The following FXR1 variants were observed in gnomAD, a reference collection of about 807,000 sequenced individuals.
FXR1 encodes the protein RNA-binding protein FXR1.
FXR1 carries 15 observed loss-of-function variants against 84.0 expected under a neutral mutation model. That is an observed-to-expected ratio of 0.18 (90% confidence interval 0.12 to 0.27). The LOEUF is 0.27. Among genes scored for constraint, FXR1 ranks in the 10% least tolerant of loss-of-function variants. FXR1 has a pLI of 1.00. For synonymous variants in FXR1, 245 were observed against 250.7 expected, an observed-to-expected ratio of 0.98 and a Z score of 0.21; for missense variants, 480 against 774.4, an observed-to-expected ratio of 0.62 and a Z score of 4.51.
In FXR1 at chr3:180,977,262, CT is replaced by C. The variant is rs1284218335; in HGVS notation, c.*972del. 6.6e-6 allele frequency: 1 copy of C among 152,390 alleles called. No homozygotes were observed. The highest frequency in any genetic ancestry group is 2.4e-5 in the African/African-American group (1 of 41,396). The allele number at this position is 152,390 out of a possible 1,614,324, so 9.4% of individuals were successfully genotyped here. ...CTTTGCTTTTTAAAAAGCATTTATACTTGCTCATAAATAGCATTAAAATGTC... is the reference window on the plus strand; with the variant it reads ...CTTTGCTTTTTAAAAAGCATTTATACTGCTCATAAATAGCATTAAAATGTC... On this transcript the variant is annotated 3_prime_UTR_variant, in exon 17 of 17. Coordinates refer to ENST00000357559, the MANE Select transcript of FXR1 (RefSeq NM_005087.4).
chr3:180,968,409 A>G, intron 14 of FXR1, 155 bp downstream of exon 14: 1 of 604,008 alleles, frequency 1.7e-6, no homozygotes. Flanking sequence ...TATCAGGAAA[A>G]GCCCTCGTAG....
At chr3:180,918,646 G>T (rs1025969498) in intron 1 of FXR1, among the ~76,000 whole-genome samples, 29 of 152,290 alleles carry the variant, frequency 1.9e-4, no homozygotes, top group African/African-American at 7.0e-4. Flanking sequence ...TTTTTAACTG[G>T]CAGGATCATC....
chr3:180,963,101 A>T lies in FXR1; in HGVS notation c.1198+11A>T, dbSNP rs1293558037. ...ACACCTCCGGTTATGGTAAAAAAAA[A>T]TTTTTTTTTTTTTTTTTTGGTAATA... On this transcript the variant is annotated intron_variant, in intron 13 of 16. Transcript: ENST00000357559. The T allele has an allele frequency of 6.0e-4, 518 of 864,714 alleles. No homozygotes were observed. Among genetic ancestry groups the T allele is most frequent in the Non-Finnish European group, 6.9e-4 (384 of 554,706 alleles). 53.6% of individuals were successfully genotyped at this position (864,714 alleles called of 1,614,324 possible).
intron 13 of FXR1, 94 bp from the exon 14 acceptor site, chr3:180,967,957 C>T (rs1201007477): frequency 5.0e-6 from 4 of 798,182 alleles, no homozygotes; most frequent in African/African-American, 1.7e-5. Flanking sequence ...AACAGTATTG[C>T]TTATTTAAAC....
intron 1 of FXR1, among the ~76,000 whole-genome samples, chr3:180,927,305 G>A (rs142396666): frequency 0.014 from 2,163 of 152,104 alleles, 26 homozygotes; most frequent in Non-Finnish European, 0.019. Context: ...GGCTATATAA[G>A]ATGTGTATTG....
intron 10 of FXR1, 49 bp downstream of exon 10, chr3:180,957,977 C>A: frequency 2.5e-6 from 2 of 806,088 alleles, no homozygotes; most frequent in Non-Finnish European, 4.1e-6. Context: ...CTTTTTTTGG[C>A]CAACTTAATA....
intron 16 of FXR1, among the ~76,000 whole-genome samples, chr3:180,975,661 A>G (rs576722709): frequency 7.2e-5 from 11 of 152,318 alleles, no homozygotes; most frequent in East Asian, 1.9e-4. Flanking sequence ...CATAGAGACT[A>G]TTGCCTAATT....
At chr3:180,959,611 T>C (rs1161732157) in intron 10 of FXR1, among the ~76,000 whole-genome samples, 1 of 152,092 alleles carries the variant, frequency 6.6e-6, no homozygotes, top group Non-Finnish European at 1.5e-5. Flanking sequence ...AAACAGGCTA[T>C]GTGCTTAAGA....
intron 10 of FXR1, among the ~76,000 whole-genome samples, chr3:180,961,211 G>T (rs951848411): frequency 1.3e-5 from 2 of 151,874 alleles, no homozygotes; most frequent in East Asian, 3.9e-4. Flanking sequence ...GTGGTGACAC[G>T]CATCTATAGT....
At position 180,963,875 on chromosome 3, in the gene FXR1, G is replaced by T. The variant is rs959702532; in HGVS notation, c.1198+785G>T. The stretch of plus-strand genomic sequence containing the variant: ...GTGACCTGATTTGTTTTTTTCCTTC[G>T]CCCCTTCTCTTTATTTTCTCTTTTC... On this transcript the variant is annotated intron_variant, in intron 13 of 16. Transcript: ENST00000357559. Among the ~76,000 whole-genome samples the T allele has an allele frequency of 4.1e-5, 6 of 146,104 alleles. No homozygotes were observed. In the Admixed American group the frequency reaches 4.1e-4, roughly 10 times the overall value.
chr3:180,928,190 A>C (rs1042717823), intron 1 of FXR1, among the ~76,000 whole-genome samples: 1 of 151,882 alleles, frequency 6.6e-6, no homozygotes, highest in African/African-American at 2.4e-5. Flanking sequence ...AAATGTTCCA[A>C]TACCATTTTA....
At position 180,976,462 on chromosome 3, in the gene FXR1, C is replaced by G. The variant is rs1714255047; in HGVS notation, c.*170C>G. On this transcript the variant is annotated 3_prime_UTR_variant, in exon 17 of 17. Coordinates refer to ENST00000357559, the MANE Select transcript of FXR1 (RefSeq NM_005087.4). ...CTGAAGAAATCATATGTTAAACATACTTTGACACCTACTGTGTTATAAAAT... is the reference window on the plus strand; with the variant it reads ...CTGAAGAAATCATATGTTAAACATAGTTTGACACCTACTGTGTTATAAAAT... 2.0e-6 allele frequency: 1 copy of G among 494,928 alleles called. No homozygotes were observed. Among genetic ancestry groups the G allele is most frequent in the Admixed American group, 3.9e-5 (1 of 25,962 alleles). 30.7% of individuals were successfully genotyped at this position (494,928 alleles called of 1,614,324 possible). A position where few individuals can be genotyped will look rare whatever the true frequency, so the allele number is the denominator to read the frequency against.
At chr3:180,950,965 C>A (rs897020716) in intron 7 of FXR1, among the ~76,000 whole-genome samples, 1 of 152,052 alleles carries the variant, frequency 6.6e-6, no homozygotes, top group Non-Finnish European at 1.5e-5. Context: ...ATAATCCCAG[C>A]ACTTTGGGAG....
intron 8 of FXR1, among the ~76,000 whole-genome samples, chr3:180,952,556 C>G (rs1722332501): frequency 6.7e-6 from 1 of 148,640 alleles, no homozygotes. Flanking sequence ...AAGGTCCTGT[C>G]TTGTTGAGAA....
rs1010116577 is a variant in FXR1, at chr3:180,977,388, C to CA, written c.*1103dup. 2.1e-4 allele frequency: 32 copies of CA among 151,560 alleles called. No homozygotes were observed. The highest frequency in any genetic ancestry group is 6.6e-4 in the African/African-American group (27 of 41,146). The allele number at this position is 151,560 out of a possible 1,614,324, so 9.4% of individuals were successfully genotyped here. A position where few individuals can be genotyped will look rare whatever the true frequency, so the allele number is the denominator to read the frequency against. ...AATTAATAATACATGTGATAATTAGCAAAAAAACCTAACAAAATTCTAATC... is the reference window on the plus strand; with the variant it reads ...AATTAATAATACATGTGATAATTAGCAAAAAAAACCTAACAAAATTCTAATC... On this transcript the variant is annotated 3_prime_UTR_variant, in exon 17 of 17. Coordinates refer to ENST00000357559, the MANE Select transcript of FXR1 (RefSeq NM_005087.4).
intron 1 of FXR1, among the ~76,000 whole-genome samples, chr3:180,924,532 G>C (rs530839664): frequency 1.3e-5 from 2 of 152,336 alleles, no homozygotes; most frequent in South Asian, 4.1e-4. Flanking sequence ...GACTGTGGAC[G>C]TGTTGATTTT....
chr3:180,954,336 A>G (rs1722527955), intron 9 of FXR1, among the ~76,000 whole-genome samples: 1 of 152,210 alleles, frequency 6.6e-6, no homozygotes, highest in South Asian at 2.1e-4. Flanking sequence ...TAGAATAATA[A>G]GAAGTTGTGG....
chr3:180,959,747 C>T (rs1319667508), intron 10 of FXR1, among the ~76,000 whole-genome samples: 1 of 151,846 alleles, frequency 6.6e-6, no homozygotes, highest in Non-Finnish European at 1.5e-5. Flanking sequence ...AGGAGTTTCC[C>T]TTGTTTCATG....
Position 180,957,859 on chromosome 3 carries a change from A to G in FXR1, c.921A>G (p.Ile307Met), listed in dbSNP as rs1255308239. ...IGKNGKVIQEIVDKSGVVRVR... is the reference protein window; with the variant it reads ...IGKNGKVIQEMVDKSGVVRVR... ...AAAATGGCAAAGTTATTCAAGAAAT[A>G]GTGGACAAATCTGGTGTGGTTCGAG... Residue 307 changes from isoleucine to methionine, a missense_variant, in exon 10 of 17, where the codon ATA (isoleucine) becomes ATG (methionine). Transcript: ENST00000357559. The G allele has an allele frequency of 6.3e-7, 1 of 1,587,648 alleles. No individual in the cohort carries two copies. Among genetic ancestry groups the G allele is most frequent in the South Asian group, 1.1e-5 (1 of 89,168 alleles).
Sources: allele counts gnomAD v4.1 joint callset (sites outside exome capture counted in the v4.1 genomes callset), GRCh38; gene constraint gnomAD v4.1.1; transcripts MANE v1.5; gene names NCBI Gene and HGNC (gene_info 2026-07-23, HGNC 2026-07-21).